The following SYT2 variants were observed in gnomAD, a reference collection of about 807,000 sequenced individuals.
SYT2 encodes the protein synaptotagmin-2.
Under a neutral mutation model 39.9 loss-of-function variants are expected in SYT2, and 15 were observed. The ratio of observed to expected loss-of-function variants is 0.38; its 90% CI spans 0.25 to 0.58. The LOEUF is 0.58. Among genes scored for constraint, SYT2 ranks in the 20% least tolerant of loss-of-function variants. The pLI, the probability that SYT2 is intolerant of heterozygous loss-of-function variation, is 0.70. For synonymous variants in SYT2, 181 were observed against 204.5 expected, an observed-to-expected ratio of 0.89 and a Z score of 0.98; for missense variants, 389 against 530.3, an observed-to-expected ratio of 0.73 and a Z score of 2.62.
At chr1:202,646,020 C>T (rs1052074699) in intron 1 of SYT2, among the ~76,000 whole-genome samples, 1 of 152,228 alleles carries the variant, frequency 6.6e-6, no homozygotes, top group Non-Finnish European at 1.5e-5. Flanking sequence ...AGGGAGCCCC[C>T]AAAGGGTGGA....
rs1477950210 is a variant in SYT2, at chr1:202,614,812, G to A, written c.-17-9023C>T. 6.6e-6 allele frequency among the ~76,000 whole-genome samples: 1 copy of A among 152,184 alleles called. No individual in the cohort carries two copies. The highest frequency in any genetic ancestry group is 2.4e-5 in the African/African-American group (1 of 41,450). ...GTCCAAAGCCTGAGAGAAGGCCAGG[G>A]CAGCTGGAGTGGATGGATCACGGTT... On this transcript the variant is annotated intron_variant, in intron 1 of 8. Transcript: ENST00000367268. The surrounding 1 kb of genome is among the most constrained non-coding windows in gnomAD (Gnocchi z 4.0).
At chr1:202,652,865 A>G (rs1692216768) in intron 1 of SYT2, among the ~76,000 whole-genome samples, 1 of 152,194 alleles carries the variant, frequency 6.6e-6, no homozygotes, top group African/African-American at 2.4e-5. Flanking sequence ...CTCAAGGAAC[A>G]TTCATCACCA....
chr1:202,694,621 G>A (rs1170750087), intron 1 of SYT2, among the ~76,000 whole-genome samples: 3 of 151,776 alleles, frequency 2.0e-5, no homozygotes, highest in Non-Finnish European at 2.9e-5. Flanking sequence ...ATAACATTAC[G>A]GCACTGATAA....
intron 1 of SYT2, among the ~76,000 whole-genome samples, chr1:202,663,569 A>G (rs894969200): frequency 1.3e-5 from 2 of 152,110 alleles, no homozygotes; most frequent in Non-Finnish European, 2.9e-5. Flanking sequence ...ATATCCTCAA[A>G]CTTACACATA....
At chr1:202,678,955 A>C (rs1653455486) in intron 1 of SYT2, among the ~76,000 whole-genome samples, 1 of 152,036 alleles carries the variant, frequency 6.6e-6, no homozygotes, top group African/African-American at 2.4e-5. Context: ...TTAACCAATG[A>C]AACAGCTTTC....
chr1:202,616,433 G>T lies in SYT2; in HGVS notation c.-17-10644C>A, dbSNP rs143581809. Reference sequence around the variant, plus strand: ...TTATCACATCACCCACCAAAAATGAGCCCCACCTGCTGCCTTGTTCTCCCC... The same window carrying T: ...TTATCACATCACCCACCAAAAATGATCCCCACCTGCTGCCTTGTTCTCCCC... On this transcript the variant is annotated intron_variant, in intron 1 of 8. Coordinates refer to ENST00000367268, the MANE Select transcript of SYT2 (RefSeq NM_177402.5). 7.9e-3 allele frequency among the ~76,000 whole-genome samples: 1,194 copies of T among 152,054 alleles called. 13 individuals carry two copies. Among genetic ancestry groups the T allele is most frequent in the African/African-American group, 0.026 (1,095 of 41,458 alleles).
chr1:202,630,376 A>C (rs1297449406), intron 1 of SYT2: 1 of 985,256 alleles, frequency 1.0e-6, no homozygotes, highest in Non-Finnish European at 1.2e-6. Flanking sequence ...CCCATCGCCA[A>C]CCGGCTTTCC....
chr1:202,669,680 C>G lies in SYT2; in HGVS notation c.-18+40578G>C, dbSNP rs541735988. On this transcript the variant is annotated intron_variant, in intron 1 of 8. Coordinates refer to ENST00000367268, the MANE Select transcript of SYT2 (RefSeq NM_177402.5). ...GGCTGACGTGGGAGGATCACTTGAG[C>G]CCAGGAGGTCAACGCTGCAGTGAGG... 6.6e-4 allele frequency among the ~76,000 whole-genome samples: 100 copies of G among 151,542 alleles called. 1 individual carries two copies. Among genetic ancestry groups the G allele is most frequent in the African/African-American group, 2.2e-3 (92 of 41,282 alleles).
In SYT2 at chr1:202,596,663, A is replaced by G. The variant is rs1690307776; in HGVS notation, c.*94T>C. On this transcript the variant is annotated 3_prime_UTR_variant, in exon 9 of 9. Transcript: ENST00000367268. Reference sequence around the variant, plus strand: ...ACACAACCACCCAACAAATGAAAGAAAAAAGAAAACCTCTAAGGTTGCATA... The same window carrying G: ...ACACAACCACCCAACAAATGAAAGAGAAAAGAAAACCTCTAAGGTTGCATA... 6 of 1,266,638 alleles carry G rather than the reference A, an allele frequency of 4.7e-6. No individual in the cohort carries two copies. The highest frequency in any genetic ancestry group is 6.5e-6 in the Non-Finnish European group (6 of 920,340). 78.5% of individuals were successfully genotyped at this position (1,266,638 alleles called of 1,614,324 possible).
rs1691613226 is a variant in SYT2, at chr1:202,632,168, T to C, written c.-17-26379A>G. On this transcript the variant is annotated intron_variant, in intron 1 of 8. Coordinates refer to ENST00000367268, the MANE Select transcript of SYT2 (RefSeq NM_177402.5). ...AGTGTTGCCACCACTAGATAATTTG[T>C]GGGGCACATTGCTGTGGGGGTCTCA... The C allele has an allele frequency of 6.3e-6, 5 of 794,322 alleles. No homozygotes were observed. The East Asian group carries it at 5.0e-4, about 80-fold the overall frequency. 49.2% of individuals were successfully genotyped at this position (794,322 alleles called of 1,614,324 possible).
intron 1 of SYT2, among the ~76,000 whole-genome samples, chr1:202,627,782 G>A (rs1250636889): frequency 1.3e-5 from 2 of 152,128 alleles, no homozygotes; most frequent in East Asian, 3.8e-4. Context: ...TCCTATGTCA[G>A]GCTCCATGCT....
At chr1:202,627,463 T>A in intron 1 of SYT2, 1 of 985,378 alleles carries the variant, frequency 1.0e-6, no homozygotes, top group South Asian at 4.7e-5. Context: ...AGGCACCCTG[T>A]CTAGGTCAGA....
chr1:202,636,700 T>A (rs1691748320), intron 1 of SYT2, among the ~76,000 whole-genome samples: 1 of 152,202 alleles, frequency 6.6e-6, no homozygotes, highest in Non-Finnish European at 1.5e-5. Context: ...AGAAACACCA[T>A]AATAACACTC....
chr1:202,610,514 G>C (rs193071709), intron 1 of SYT2, among the ~76,000 whole-genome samples: 1 of 152,300 alleles, frequency 6.6e-6, no homozygotes, highest in African/African-American at 2.4e-5. Flanking sequence ...ATTCAGTTAG[G>C]ACAAGAGAAA....
In SYT2 at chr1:202,599,234, G is replaced by A; in HGVS notation, c.1037C>T (p.Pro346Leu). 6.2e-7 allele frequency: 1 copy of A among 1,613,322 alleles called. No homozygotes were observed. Among genetic ancestry groups the A allele is most frequent in the Non-Finnish European group, 8.5e-7 (1 of 1,179,672 alleles). Residue 346 changes from proline (P) to leucine (L), a missense_variant, in exon 8 of 9, where the codon CCC (proline) becomes CTC (leucine). Pro to Leu is a moderately conservative substitution (Grantham distance 98, BLOSUM62 -3). Around this residue, in one of 4 missense-constraint regions of SYT2, gnomAD observed 84 missense variants for 123.1 expected, o/e 0.68. Transcript: ENST00000367268. This position sits in a 1 kb window ranked among gnomAD's most constrained non-coding sequence, Gnocchi z 4.4. ...CTCCAGCACCTGAATCTGCTCGAAG[G>A]GGATCTCAAAGCTGAAGGACTCGTT... Reference protein sequence around the residue: ...YFNESFSFEIPFEQIQKVQVV... With the variant: ...YFNESFSFEILFEQIQKVQVV...
chr1:202,642,543 C>G (rs541299828), intron 1 of SYT2, among the ~76,000 whole-genome samples: 1 of 152,206 alleles, frequency 6.6e-6, no homozygotes, highest in Non-Finnish European at 1.5e-5. Context: ...AGGATCCCCG[C>G]GAGCCTGCTT....
chr1:202,592,242 G>T lies in SYT2; in HGVS notation c.*4515C>A, dbSNP rs944430513. ...CAGATACCAGGCTGGACACTGCACC[G>T]GGCCCTGAGGTTTGGCTCTGCAGGC... is the stretch of plus-strand genomic sequence containing the variant. On this transcript the variant is annotated 3_prime_UTR_variant, in exon 9 of 9. Transcript: ENST00000367268. 6.5e-6 allele frequency: 1 copy of T among 152,692 alleles called. No individual in the cohort carries two copies. The highest frequency in any genetic ancestry group is 1.5e-5 in the Non-Finnish European group (1 of 68,106). 9.5% of individuals were successfully genotyped at this position (152,692 alleles called of 1,614,324 possible).
At chr1:202,617,043 C>T (rs1400712178) in intron 1 of SYT2, among the ~76,000 whole-genome samples, 1 of 152,250 alleles carries the variant, frequency 6.6e-6, no homozygotes, top group African/African-American at 2.4e-5. Flanking sequence ...GGCCGAAAGC[C>T]CTAGCGTGGC....
At chr1:202,656,174 A>G (rs1301319020) in intron 1 of SYT2, among the ~76,000 whole-genome samples, 5 of 152,244 alleles carry the variant, frequency 3.3e-5, no homozygotes, top group African/African-American at 1.2e-4. Flanking sequence ...GCATGCATGC[A>G]CACAGGCACA....
Sources: gnomAD v4.1 joint callset for allele counts (sites outside exome capture counted in the v4.1 genomes callset) on GRCh38, gnomAD v4.1.1 for gene constraint, gnomAD v4.1.1 regional missense constraint, Gnocchi (gnomAD v3.1) non-coding constraint, MANE v1.5 for transcripts, NCBI Gene and HGNC (gene_info 2026-07-23, HGNC 2026-07-21) for gene names.